PHEX: variants seen among roughly 807,000 people sequenced by gnomAD.
PHEX encodes the protein phosphate regulating endopeptidase X-linked.
In PHEX, 16 loss-of-function variants were observed where a neutral mutation model predicts 68.0. The ratio of observed to expected loss-of-function variants is 0.24; its 90% CI spans 0.16 to 0.36. The LOEUF (loss-of-function observed/expected upper bound fraction) is 0.36. Among genes scored for constraint, PHEX ranks in the 10% least tolerant of loss-of-function variants. PHEX has a pLI of 1.00. For synonymous variants in PHEX, 208 were observed against 205.1 expected, an observed-to-expected ratio of 1.01 and a Z score of -0.12; for missense variants, 480 against 575.5, an observed-to-expected ratio of 0.83 and a Z score of 1.70.
chrX:22,165,828 CTT>C (rs1290725320), intron 12 of PHEX, among the ~76,000 whole-genome samples: 1 of 111,923 alleles, frequency 8.9e-6, no homozygotes, highest in Non-Finnish European at 1.9e-5. Flanking sequence ...GGTTGACGAA[CTT>C]TTTCTAGAAA....
chrX:22,154,811 C>G (rs978105015), intron 12 of PHEX, among the ~76,000 whole-genome samples: 1 of 112,082 alleles, frequency 8.9e-6, no homozygotes, highest in Non-Finnish European at 1.9e-5. Flanking sequence ...TTGGGAAGCC[C>G]TAAGCTAGAC....
At chrX:22,046,863 G>A (rs745529109) in intron 2 of PHEX, among the ~76,000 whole-genome samples, 187 bp from the exon 3 acceptor site, 3 of 111,325 alleles carry the variant, frequency 2.7e-5, no homozygotes, top group East Asian at 5.6e-4. Flanking sequence ...CCTTGCACCC[G>A]GCCTATCCAT....
intron 1 of PHEX, among the ~76,000 whole-genome samples, chrX:22,037,749 C>T (rs1021758657): frequency 9.1e-6 from 1 of 110,410 alleles, no homozygotes; most frequent in African/African-American, 3.3e-5. Flanking sequence ...TCAGGGCAGG[C>T]GGACAATGAC....
At chrX:22,076,351 G>A (rs934242477) in intron 3 of PHEX, 37 bp from the exon 4 acceptor site, 2 of 1,008,916 alleles carry the variant, frequency 2.0e-6, no homozygotes, top group Non-Finnish European at 2.8e-6. Context: ...CACCATATGT[G>A]GGTGGATACT....
chrX:22,099,820 C>T (rs1254356149), intron 9 of PHEX, among the ~76,000 whole-genome samples: 1 of 112,082 alleles, frequency 8.9e-6, no homozygotes, highest in African/African-American at 3.2e-5. Flanking sequence ...AACGAGTTTA[C>T]AAAACACTTT....
intron 16 of PHEX, among the ~76,000 whole-genome samples, chrX:22,217,823 C>G (rs940288325): frequency 8.9e-6 from 1 of 111,772 alleles, no homozygotes; most frequent in Non-Finnish European, 1.9e-5. Context: ...ATAGAACTTA[C>G]ATTTGAGAGA....
intron 9 of PHEX, among the ~76,000 whole-genome samples, chrX:22,109,767 G>T (rs962742182): frequency 8.9e-6 from 1 of 111,791 alleles, no homozygotes; most frequent in Admixed American, 9.5e-5. Context: ...CTGAGGTCAG[G>T]TCATCTTTTG....
chrX:22,104,336 G>A (rs896391852), intron 9 of PHEX, among the ~76,000 whole-genome samples: 1 of 110,356 alleles, frequency 9.1e-6, no homozygotes, highest in South Asian at 3.9e-4. Flanking sequence ...TGGTGGTGGT[G>A]CCAAACCACA....
chrX:22,053,869 A>G (rs989896504), intron 3 of PHEX, among the ~76,000 whole-genome samples: 1 of 112,145 alleles, frequency 8.9e-6, no homozygotes, highest in African/African-American at 3.2e-5. Flanking sequence ...TGATTCATAG[A>G]CCATTTATTT....
intron 11 of PHEX, among the ~76,000 whole-genome samples, chrX:22,120,127 G>A (rs746087174): frequency 9.0e-6 from 1 of 111,587 alleles, no homozygotes; most frequent in Non-Finnish European, 1.9e-5. Context: ...CTAGCTGTCT[G>A]GTATTCTTTT....
At position 22,168,321 on chromosome X, in the gene PHEX, G is replaced by A; in HGVS notation, c.1414G>A (p.Val472Ile). 8.4e-7 allele frequency: 1 copy of A among 1,196,020 alleles called. No homozygotes were observed. Among genetic ancestry groups the A allele is most frequent in the Non-Finnish European group, 1.1e-6 (1 of 881,487 alleles). ...KRKAKEKARA[V>I]LAKVGYPEFI... Reference sequence around the variant, plus strand: ...TTTTTCCTTTTTGTAGGCGAGAGCTGTTTTGGCAAAAGTTGGCTATCCAGA... The same window carrying A: ...TTTTTCCTTTTTGTAGGCGAGAGCTATTTTGGCAAAAGTTGGCTATCCAGA... The change falls in exon 13 of 22, where the codon GTT becomes ATT. Residue 472 changes from valine (V) to isoleucine (I), a missense_variant. Physicochemically the swap from Val to Ile is conservative, Grantham distance 29. Coordinates refer to ENST00000379374, the MANE Select transcript of PHEX (RefSeq NM_000444.6).
chrX:22,189,787 G>A lies in PHEX; in HGVS notation c.1587-657G>A, dbSNP rs1434171931. ...AACCTATTGTGCATTTAAGGTTTGG[G>A]TGTAGACTCCTTTTAGATAGAAGGG... On this transcript the variant is annotated intron_variant, in intron 14 of 21. Transcript: ENST00000379374. Among the ~76,000 whole-genome samples the A allele has an allele frequency of 2.7e-5, 3 of 112,055 alleles. No individual in the cohort carries two copies. In the South Asian group the frequency reaches 1.1e-3, roughly 42 times the overall value.
chrX:22,098,207 A>AG (rs765052089), intron 8 of PHEX, among the ~76,000 whole-genome samples: 1 of 102,932 alleles, frequency 9.7e-6, no homozygotes, highest in South Asian at 4.6e-4. Context: ...AAAGGGAGGG[A>AG]GGGAGAGAGA....
At position 22,068,106 on chromosome X, in the gene PHEX, G is replaced by A. The variant is rs190286371; in HGVS notation, c.350-8282G>A. Among the ~76,000 whole-genome samples, 698 of 111,093 alleles carry A rather than the reference G, an allele frequency of 6.3e-3. 6 individuals are homozygous for A. The highest frequency in any genetic ancestry group is 0.021 in the African/African-American group (648 of 30,415). On this transcript the variant is annotated intron_variant, in intron 3 of 21. Transcript: ENST00000379374. ...GCCTGCCTCTACCTCCCACAGTGCC[G>A]AGATTACAGGCGTGAGCCACCGCGC...
intron 15 of PHEX, among the ~76,000 whole-genome samples, chrX:22,208,937 G>T (rs900881496): frequency 1.4e-4 from 16 of 111,974 alleles, no homozygotes; most frequent in African/African-American, 5.2e-4. Context: ...AACAAAAGCT[G>T]GGAGACCAAT....
At chrX:22,092,362 C>G (rs781176179) in intron 6 of PHEX, among the ~76,000 whole-genome samples, 3 of 111,635 alleles carry the variant, frequency 2.7e-5, no homozygotes, top group African/African-American at 9.8e-5. Flanking sequence ...AGTAGGTACT[C>G]AATAAATATG....
chrX:22,093,030 G>T (rs562209422), intron 6 of PHEX, among the ~76,000 whole-genome samples: 1 of 111,584 alleles, frequency 9.0e-6, no homozygotes, highest in Admixed American at 9.5e-5. Flanking sequence ...GATTTCAGGC[G>T]TGAGCCACCA....
chrX:22,198,197 T>A (rs1377365632), intron 15 of PHEX, among the ~76,000 whole-genome samples: 1 of 104,606 alleles, frequency 9.6e-6, no homozygotes, highest in Non-Finnish European at 1.9e-5. Context: ...TTATATATAC[T>A]TATATATATG....
intron 14 of PHEX, among the ~76,000 whole-genome samples, chrX:22,188,171 ATAAAT>A (rs1203926473): frequency 1.8e-5 from 2 of 112,497 alleles, no homozygotes; most frequent in African/African-American, 6.5e-5. Context: ...TTAACCTGAT[ATAAAT>A]TAATTTGTTA....
Sources: gnomAD v4.1 joint callset for allele counts (sites outside exome capture counted in the v4.1 genomes callset) on GRCh38, gnomAD v4.1.1 for gene constraint, MANE v1.5 for transcripts, NCBI Gene and HGNC (gene_info 2026-07-23, HGNC 2026-07-21) for gene names.